NHSL3: variants seen among roughly 807,000 people sequenced by gnomAD.
The protein encoded by NHSL3 is NHS-like protein 3.
the NHSL3 span, chr1:32,771,524 T>C: frequency 6.8e-7 from 1 of 1,475,466 alleles, no homozygotes; most frequent in Non-Finnish European, 9.2e-7. Flanking sequence ...GAGCAGGACC[T>C]GTCCATGGCT....
At chr1:32,770,492 C>T in the NHSL3 span, 1 of 1,572,572 alleles carries the variant, frequency 6.4e-7, no homozygotes, top group Non-Finnish European at 8.7e-7. This position sits in a 1 kb window ranked among gnomAD's most constrained non-coding sequence, Gnocchi z 8.3. Context: ...AAGGGTGGCT[C>T]TGAGGGCCAG....
chr1:32,765,748 G>A, the NHSL3 span: 1 of 1,547,110 alleles, frequency 6.5e-7, no homozygotes, highest in East Asian at 2.4e-5. Context: ...GATAGGGAAC[G>A]TCTCGAGTGG....
chr1:32,769,894 C>T, the NHSL3 span: 36 of 1,609,226 alleles, frequency 2.2e-5, no homozygotes, highest in East Asian at 6.7e-5. Flanking sequence ...GAGGAATGAG[C>T]GTGAGGCACC....
At chr1:32,766,256 G>A in the NHSL3 span, among the ~76,000 whole-genome samples, 1 of 152,122 alleles carries the variant, frequency 6.6e-6, no homozygotes, top group Non-Finnish European at 1.5e-5. Context: ...AGAGGCCTGG[G>A]AATGGAGAAG....
chr1:32,771,695 C>CT, the NHSL3 span: 1 of 1,611,892 alleles, frequency 6.2e-7, no homozygotes, highest in Non-Finnish European at 8.5e-7. Context: ...CCTCCAGCTC[C>CT]GCCAGCCCCA....
At chr1:32,772,336 A>G in the NHSL3 span, 1 of 1,379,126 alleles carries the variant, frequency 7.3e-7, no homozygotes, top group South Asian at 1.1e-5. Flanking sequence ...TCCTCCCACC[A>G]ATGGGCTCCC....
the NHSL3 span, chr1:32,767,667 G>A: frequency 1.2e-6 from 1 of 801,820 alleles, no homozygotes; most frequent in South Asian, 1.8e-5. Flanking sequence ...AGGGGGCATT[G>A]CTTGTATATG....
At chr1:32,770,389 C>A in the NHSL3 span, 1 of 1,607,914 alleles carries the variant, frequency 6.2e-7, no homozygotes, top group Non-Finnish European at 8.5e-7. The surrounding 1 kb of genome is among the most constrained non-coding windows in gnomAD (Gnocchi z 8.3). Context: ...CAGCCCACAG[C>A]CCCGCAGCCG....
chr1:32,766,804 G>GC, the NHSL3 span, among the ~76,000 whole-genome samples: 19 of 152,272 alleles, frequency 1.2e-4, no homozygotes, highest in East Asian at 3.3e-3. Flanking sequence ...TGCTGACACA[G>GC]CCCCCCATCC....
the NHSL3 span, among the ~76,000 whole-genome samples, chr1:32,747,019 T>C: frequency 6.6e-6 from 1 of 152,144 alleles, no homozygotes; most frequent in Non-Finnish European, 1.5e-5. Flanking sequence ...CAGTTCACTG[T>C]GGCCTCTCCA....
chr1:32,742,476 G>C, the NHSL3 span, among the ~76,000 whole-genome samples: 20 of 152,258 alleles, frequency 1.3e-4, no homozygotes, highest in African/African-American at 4.8e-4. Flanking sequence ...GCGGTGAGGC[G>C]ATTCCCCCTC....
At chr1:32,769,777 A>G in the NHSL3 span, 623 of 1,613,750 alleles carry the variant, frequency 3.9e-4, 9 homozygotes, top group South Asian at 6.5e-3. Flanking sequence ...GCATGTGCAG[A>G]AGGAGCTTGG....
the NHSL3 span, chr1:32,771,564 C>G: frequency 3.1e-6 from 5 of 1,608,560 alleles, no homozygotes; most frequent in Non-Finnish European, 4.2e-6. Flanking sequence ...AGGCTTTTTT[C>G]TCTGTGGCCA....
At chr1:32,747,041 G>A in the NHSL3 span, among the ~76,000 whole-genome samples, 1 of 152,238 alleles carries the variant, frequency 6.6e-6, no homozygotes, top group South Asian at 2.1e-4. Context: ...GTTCCCTCTG[G>A]CCACTCAGGG....
chr1:32,761,958 G>T, the NHSL3 span, among the ~76,000 whole-genome samples: 1 of 152,110 alleles, frequency 6.6e-6, no homozygotes, highest in African/African-American at 2.4e-5. Context: ...ACAGAACGTG[G>T]CTTTTGGATT....
chr1:32,753,044 C>T, the NHSL3 span, among the ~76,000 whole-genome samples: 5 of 150,722 alleles, frequency 3.3e-5, no homozygotes, highest in Non-Finnish European at 5.9e-5. Context: ...TCTTGGCTCA[C>T]TACAACCTCC....
At chr1:32,745,557 CAAAAAAAAAAAA>C in the NHSL3 span, among the ~76,000 whole-genome samples, 1 of 91,422 alleles carries the variant, frequency 1.1e-5, no homozygotes, top group African/African-American at 4.0e-5. Context: ...GACTAGGTCT[CAAAAAAAAAAAA>C]AAAAAAAAAT....
chr1:32,769,894 C>G, the NHSL3 span: 1 of 1,609,344 alleles, frequency 6.2e-7, no homozygotes, highest in Non-Finnish European at 8.5e-7. Flanking sequence ...GAGGAATGAG[C>G]GTGAGGCACC....
chr1:32,742,017 C>A, the NHSL3 span: 1 of 1,237,906 alleles, frequency 8.1e-7, no homozygotes. Flanking sequence ...CGGGCGGCCC[C>A]CCGCGCAGGA....
Sources: gnomAD v4.1 joint callset for allele counts (sites outside exome capture counted in the v4.1 genomes callset) on GRCh38, gnomAD v4.1.1 for gene constraint, Gnocchi (gnomAD v3.1) non-coding constraint, MANE v1.5 for transcripts, NCBI Gene and HGNC (gene_info 2026-07-23, HGNC 2026-07-21) for gene names.